TMEM39B: variants seen among roughly 807,000 people sequenced by gnomAD.
The protein encoded by TMEM39B is transmembrane protein 39B.
A neutral mutation model predicts 52.2 loss-of-function variants in TMEM39B; 23 were observed. The ratio of observed to expected loss-of-function variants is 0.44; its 90% CI spans 0.32 to 0.62. TMEM39B has a LOEUF of 0.62. Among genes scored for constraint, TMEM39B ranks in the 20% least tolerant of loss-of-function variants. The probability of loss-of-function intolerance (pLI) is 0.06; values close to 1 mark genes in which losing one functional copy is unlikely to be tolerated. For synonymous variants in TMEM39B, 285 were observed against 264.0 expected (o/e 1.08, Z -0.77); for missense variants, 547 against 642.0 (o/e 0.85, Z 1.60).
Position 32,094,856 on chromosome 1 carries a change from C to G in TMEM39B, c.1000C>G (p.Leu334Val). The G allele has an allele frequency of 6.2e-7, 1 of 1,614,230 alleles. No homozygotes were observed. Among genetic ancestry groups the G allele is most frequent in the Non-Finnish European group, 8.5e-7 (1 of 1,180,048 alleles). The change falls in exon 7 of 9, where the codon CTC becomes GTC. Residue 334 changes from leucine (L) to valine (V), a missense_variant. Transcript: ENST00000336294. ...LLVSISTSVILMQHLLPASYC... is the reference protein window; with the variant it reads ...LLVSISTSVIVMQHLLPASYC... ...GGTGTCCATCAGCACCTCCGTGATC[C>G]TCATGCAGCACCTGCTGCCTGCCAG... is the stretch of plus-strand genomic sequence containing the variant.
intron 5 of TMEM39B, among the ~76,000 whole-genome samples, chr1:32,078,985 G>T (rs1557912728): frequency 1.3e-5 from 2 of 151,978 alleles, no homozygotes; most frequent in Non-Finnish European, 2.9e-5. Context: ...TGCTATGCAT[G>T]ATGTACAATT....
At chr1:32,078,870 G>C (rs1027696257) in intron 5 of TMEM39B, among the ~76,000 whole-genome samples, 6 of 151,906 alleles carry the variant, frequency 3.9e-5, no homozygotes, top group Non-Finnish European at 7.4e-5. Flanking sequence ...CGAACTCCTG[G>C]CCTCAAGTGA....
chr1:32,094,545 C>T (rs906926727), intron 6 of TMEM39B, among the ~76,000 whole-genome samples: 1 of 152,158 alleles, frequency 6.6e-6, no homozygotes, highest in Non-Finnish European at 1.5e-5. Flanking sequence ...GTCTCTTGGA[C>T]CCCAGAGCCT....
chr1:32,073,589 A>G, intron 1 of TMEM39B: 3 of 988,616 alleles, frequency 3.0e-6, no homozygotes, highest in South Asian at 4.5e-5. Context: ...CAGAGCTTCT[A>G]AAGAGAGGAG....
chr1:32,075,124 G>A (rs778906388), intron 2 of TMEM39B, 47 bp downstream of exon 2: 38 of 1,523,754 alleles, frequency 2.5e-5, no homozygotes, highest in Admixed American at 1.0e-4. Flanking sequence ...TCACAGGGAC[G>A]ATGTGGACAG....
rs77727990 is a variant in TMEM39B at position 32,085,922 on chromosome 1, T to C, written c.591-5753T>C. On this transcript the variant is annotated intron_variant, in intron 5 of 8. Coordinates refer to ENST00000336294, the MANE Select transcript of TMEM39B (RefSeq NM_018056.4). ...AGTGCAGTTTCTTTCTCTCTGTCAT[T>C]GTTTAAGGGGGTAAGAGCTTTGACT... Among the ~76,000 whole-genome samples the C allele has an allele frequency of 3.5e-4, 53 of 152,150 alleles. No homozygotes were observed. The East Asian group carries it at 0.01, about 29-fold the overall frequency.
chr1:32,094,964 C>T lies in TMEM39B; in HGVS notation c.1108C>T (p.Gln370Ter). 6.2e-7 allele frequency: 1 copy of T among 1,613,218 alleles called. No individual in the cohort carries two copies. The highest frequency in any genetic ancestry group is 8.5e-7 in the Non-Finnish European group (1 of 1,179,992). Reference protein sequence around the residue: ...VDPALCSNVLQHPWTEECMWP... With the variant: ...VDPALCSNVL ...CCCAGCGCTGTGCTCCAACGTGCTG[C>T]AGCACCCGTGAGTCACCCTACCCTG... Residue 370 changes from glutamine (Q) to a stop codon, truncating the protein, a stop_gained, in exon 7 of 9, where the codon CAG becomes TAG. Transcript: ENST00000336294. LOFTEE classifies it high-confidence loss of function.
chr1:32,101,552 A>T (rs1319244492), intron 8 of TMEM39B, among the ~76,000 whole-genome samples: 1 of 152,052 alleles, frequency 6.6e-6, no homozygotes, highest in Non-Finnish European at 1.5e-5. Context: ...TGTAACTCCT[A>T]AAGGATCCCC....
intron 5 of TMEM39B, among the ~76,000 whole-genome samples, chr1:32,085,291 ATCTC>A (rs138050718): frequency 0.03 from 4,452 of 150,010 alleles, 210 homozygotes; most frequent in African/African-American, 0.1. Flanking sequence ...CTAATATTTA[ATCTC>A]TCTCTCTCTC....
intron 8 of TMEM39B, among the ~76,000 whole-genome samples, chr1:32,101,737 C>T (rs1454180063): frequency 1.3e-5 from 2 of 152,220 alleles, no homozygotes; most frequent in Non-Finnish European, 1.5e-5. Context: ...CTCCCATTTC[C>T]TACCACTTCT....
At chr1:32,084,657 C>T (rs1328023722) in intron 5 of TMEM39B, among the ~76,000 whole-genome samples, 1 of 152,030 alleles carries the variant, frequency 6.6e-6, no homozygotes, top group African/African-American at 2.4e-5. Context: ...GCAACCTCCG[C>T]CTCCCGAGTT....
intron 5 of TMEM39B, among the ~76,000 whole-genome samples, chr1:32,079,125 A>G (rs11806010): frequency 0.094 from 14,012 of 149,454 alleles, 767 homozygotes; most frequent in Non-Finnish European, 0.12. Context: ...TGCAGTGGCT[A>G]TTCACAGGTC....
intron 5 of TMEM39B, among the ~76,000 whole-genome samples, chr1:32,082,412 G>A (rs181305647): frequency 4.1e-4 from 62 of 152,092 alleles, no homozygotes; most frequent in Middle Eastern, 3.4e-3. Context: ...TTTCTTCTCT[G>A]TAGTTACAGA....
chr1:32,100,865 C>T (rs1348738986), intron 8 of TMEM39B, among the ~76,000 whole-genome samples: 2 of 151,984 alleles, frequency 1.3e-5, no homozygotes, highest in African/African-American at 4.8e-5. Flanking sequence ...ACCTCGTCTC[C>T]ACTAAAAATA....
Position 32,091,789 on chromosome 1 carries a change from C to T in TMEM39B, c.705C>T (p.Ser235=). ...AGGCGGTCAGTGGCCTGGCAAAGAG[C>T]CGGGACTACCTCCTGACACTGCGGG... The part of the protein sequence containing the change: ...PREAVSGLAK[S]RDYLLTLRET... Residue 235 remains serine (S), a synonymous_variant, in exon 6 of 9, where the codon AGC becomes AGT. Coordinates refer to ENST00000336294, the MANE Select transcript of TMEM39B (RefSeq NM_018056.4). The T allele has an allele frequency of 6.2e-7, 1 of 1,614,194 alleles. No individual in the cohort carries two copies. The highest frequency in any genetic ancestry group is 1.7e-5 in the Admixed American group (1 of 60,022).
intron 5 of TMEM39B, among the ~76,000 whole-genome samples, chr1:32,088,472 C>T (rs986855354): frequency 6.6e-6 from 1 of 151,806 alleles, no homozygotes; most frequent in Non-Finnish European, 1.5e-5. Flanking sequence ...AAGCGATGCT[C>T]TAGACCATGA....
At chr1:32,090,903 G>A (rs1424897954) in intron 5 of TMEM39B, among the ~76,000 whole-genome samples, 1 of 152,066 alleles carries the variant, frequency 6.6e-6, no homozygotes, top group Non-Finnish European at 1.5e-5. Flanking sequence ...GCCTCCCAAA[G>A]TGCTGGGATT....
chr1:32,098,012 T>C (rs189084965), intron 7 of TMEM39B, among the ~76,000 whole-genome samples: 83 of 152,156 alleles, frequency 5.5e-4, no homozygotes, highest in Non-Finnish European at 8.7e-4. Context: ...TTTTTGTTTT[T>C]TGAGACGGGG....
At chr1:32,092,875 G>A (rs1037914101) in intron 6 of TMEM39B, among the ~76,000 whole-genome samples, 4 of 152,200 alleles carry the variant, frequency 2.6e-5, no homozygotes, top group Non-Finnish European at 5.9e-5. Flanking sequence ...AGGGAGACAT[G>A]GCATTGTTAT....
Sources: allele counts gnomAD v4.1 joint callset (sites outside exome capture counted in the v4.1 genomes callset), GRCh38; gene constraint gnomAD v4.1.1; transcripts MANE v1.5; gene names NCBI Gene and HGNC (gene_info 2026-07-23, HGNC 2026-07-21).